Variants in ARHGEF18 observed in about 807,000 individuals in gnomAD.
The protein encoded by ARHGEF18 is rho guanine nucleotide exchange factor 18.
In ARHGEF18, 93 loss-of-function variants were observed where a neutral mutation model predicts 155.7. The observed-to-expected ratio is 0.60, with a 90% confidence interval of 0.50 to 0.71. ARHGEF18 has a LOEUF of 0.71. Among genes scored for constraint, ARHGEF18 ranks in the 30% least tolerant of loss-of-function variants. The pLI is 0.00. For missense variants in ARHGEF18, 1,593 were observed against 1,816.1 expected (o/e 0.88, Z 2.23); for synonymous variants, 742 against 753.1 (o/e 0.99, Z 0.24).
intron 10 of ARHGEF18, among the ~76,000 whole-genome samples, chr19:7,438,896 G>A (rs1007013624): frequency 9.2e-5 from 14 of 151,606 alleles, no homozygotes; most frequent in Admixed American, 4.6e-4. Flanking sequence ...TTTTTTAGGC[G>A]GAGTCTCACT....
intron 2 of ARHGEF18, among the ~76,000 whole-genome samples, chr19:7,368,874 G>A (rs1970062872): frequency 6.6e-6 from 1 of 152,116 alleles, no homozygotes; most frequent in Non-Finnish European, 1.5e-5. Context: ...TCTTTAGAAA[G>A]AGACTGAAAA....
intron 1 of ARHGEF18, among the ~76,000 whole-genome samples, chr19:7,362,026 AAGGAGAAGGAGAAGGAGAAGG>A (rs1969589851): frequency 8.3e-5 from 5 of 60,316 alleles, no homozygotes; most frequent in Non-Finnish European, 1.5e-4. Context: ...GGAGAAGGAG[AAGGAGAAGGAGAAGGAGAAGG>A]AGAAGGAGAA....
chr19:7,414,763 C>A (rs984247067), intron 10 of ARHGEF18, among the ~76,000 whole-genome samples: 1 of 151,648 alleles, frequency 6.6e-6, no homozygotes, highest in South Asian at 2.1e-4. Flanking sequence ...GAGCTGAGAT[C>A]GCGCCATTGC....
chr19:7,451,404 C>CAT, intron 16 of ARHGEF18, 138 bp downstream of exon 16: 6 of 377,176 alleles, frequency 1.6e-5, no homozygotes, highest in South Asian at 2.9e-5. Flanking sequence ...GGGTTCCTTC[C>CAT]TTTTTTTTTT....
intron 2 of ARHGEF18, among the ~76,000 whole-genome samples, chr19:7,366,970 C>T (rs565681589): frequency 6.2e-4 from 94 of 151,930 alleles, no homozygotes; most frequent in South Asian, 1.7e-3. Context: ...CTATGCTGCC[C>T]GGGCTGGTCT....
Position 7,444,813 on chromosome 19 carries a change from A to T in ARHGEF18, c.1611+359A>T. 6.6e-6 allele frequency among the ~76,000 whole-genome samples: 1 copy of T among 151,930 alleles called. No homozygotes were observed. The highest frequency in any genetic ancestry group is 1.5e-5 in the Non-Finnish European group (1 of 67,952). ...GAACACCATGCCTGGCTAACTTTTTATTTTTTGAAGAGATGGGGTCTTGCT... is the reference window on the plus strand; with the variant it reads ...GAACACCATGCCTGGCTAACTTTTTTTTTTTTGAAGAGATGGGGTCTTGCT... On this transcript the variant is annotated intron_variant, in intron 14 of 28. Coordinates refer to ENST00000668164, the MANE Select transcript of ARHGEF18 (RefSeq NM_001367823.1). The surrounding 1 kb of genome is among the most constrained non-coding windows in gnomAD (Gnocchi z 4.7).
chr19:7,440,109 A>AATGC lies in ARHGEF18; in HGVS notation c.968-234_968-231dup. On this transcript the variant is annotated intron_variant, in intron 10 of 28. Transcript: ENST00000668164. The surrounding 1 kb of genome is among the most constrained non-coding windows in gnomAD (Gnocchi z 5.4). The stretch of plus-strand genomic sequence containing the variant: ...CGGAGCCCCGGGCGCGAACATGGGG[A>AATGC]ATGCGCACTCCAAAAGCGGGGACAG... 3 of 1,550,784 alleles carry AATGC rather than the reference A, an allele frequency of 1.9e-6. No homozygotes were observed. Among genetic ancestry groups the AATGC allele is most frequent in the Non-Finnish European group, 2.6e-6 (3 of 1,146,752 alleles).
At chr19:7,376,162 TC>T (rs1970452347) in intron 4 of ARHGEF18, among the ~76,000 whole-genome samples, 1 of 152,148 alleles carries the variant, frequency 6.6e-6, no homozygotes, top group African/African-American at 2.4e-5. Flanking sequence ...TCTTGCAGTT[TC>T]AGCCAGGCTT....
In ARHGEF18 at chr19:7,462,836, CTT is replaced by C. The variant is rs34155241; in HGVS notation, c.2635+519_2635+520del. Among the ~76,000 whole-genome samples the C allele has an allele frequency of 9.4e-4, 91 of 96,450 alleles. No homozygotes were observed. The highest frequency in any genetic ancestry group is 5.4e-3 in the Middle Eastern group (1 of 184). 63.3% of individuals were successfully genotyped at this position (96,450 alleles called of 152,430 possible). On this transcript the variant is annotated intron_variant, in intron 21 of 28. Coordinates refer to ENST00000668164, the MANE Select transcript of ARHGEF18 (RefSeq NM_001367823.1). This position sits in a 1 kb window ranked among gnomAD's most constrained non-coding sequence, Gnocchi z 4.4. ...AGTCTGCTCTTTCTTTTTTTCTTTT[CTT>C]TTTTTTTTTTTTTTTTGAGATGGAG... is the stretch of plus-strand genomic sequence containing the variant.
At chr19:7,404,920 C>T (rs774181409) in intron 10 of ARHGEF18, among the ~76,000 whole-genome samples, 4 of 151,974 alleles carry the variant, frequency 2.6e-5, no homozygotes, top group Non-Finnish European at 5.9e-5. Flanking sequence ...GTTACCAAAC[C>T]GAACTCACCT....
In ARHGEF18 at chr19:7,447,083, G is replaced by C. The variant is rs765607812; in HGVS notation, c.1652G>C (p.Gly551Ala). The C allele has an allele frequency of 6.8e-6, 11 of 1,613,830 alleles. No homozygotes were observed. The highest frequency in any genetic ancestry group is 8.5e-6 in the Non-Finnish European group (10 of 1,179,944). The part of the protein sequence containing the change: ...ENGERMKEKY[G>A]VFCSGHNEAV... ...GGGGAGAGAATGAAAGAAAAGTACGGTGTGTTTTGTAGTGGCCACAATGAA... is the reference window on the plus strand; with the variant it reads ...GGGGAGAGAATGAAAGAAAAGTACGCTGTGTTTTGTAGTGGCCACAATGAA... The change falls in exon 15 of 29, where the codon GGT becomes GCT. Residue 551 changes from glycine to alanine, a missense_variant. Physicochemically the swap from Gly to Ala is moderately conservative, Grantham distance 60 (BLOSUM62 0). Transcript: ENST00000668164.
intron 15 of ARHGEF18, among the ~76,000 whole-genome samples, chr19:7,448,793 C>G (rs747430226): frequency 6.6e-6 from 1 of 152,090 alleles, no homozygotes; most frequent in Non-Finnish European, 1.5e-5. Context: ...GCTCGAAGCC[C>G]AGCCGGAGTC....
chr19:7,372,117 C>T (rs1600215758), intron 2 of ARHGEF18, among the ~76,000 whole-genome samples: 1 of 152,170 alleles, frequency 6.6e-6, no homozygotes, highest in Non-Finnish European at 1.5e-5. Flanking sequence ...ATGGGGGAAG[C>T]CCACTCGCCC....
At chr19:7,473,332 C>G (rs189098284), downstream of ARHGEF18, 683 of 450,592 alleles carry the variant, frequency 1.5e-3, 1 homozygote, top group Non-Finnish European at 2.7e-3. Flanking sequence ...ATGCAGGCCA[C>G]GTGTGGAATT....
intron 10 of ARHGEF18, among the ~76,000 whole-genome samples, chr19:7,426,486 CAAAAAAAAA>C (rs760020542): frequency 9.9e-6 from 1 of 100,786 alleles, no homozygotes; most frequent in African/African-American, 3.8e-5. Context: ...GACTCTGTCT[CAAAAAAAAA>C]AAAAAAAGAA....
At chr19:7,417,369 C>A (rs1973086300) in intron 10 of ARHGEF18, among the ~76,000 whole-genome samples, 2 of 152,092 alleles carry the variant, frequency 1.3e-5, no homozygotes, top group Non-Finnish European at 2.9e-5. Context: ...GGCAGCATAG[C>A]AAGACCCTGT....
intron 15 of ARHGEF18, among the ~76,000 whole-genome samples, chr19:7,448,787 G>A (rs551285369): frequency 6.6e-5 from 10 of 152,164 alleles, no homozygotes; most frequent in South Asian, 4.1e-4. Context: ...GTAGGTGCTC[G>A]AAGCCCAGCC....
At position 7,382,816 on chromosome 19, in the gene ARHGEF18, C is replaced by T. The variant is rs112303059; in HGVS notation, c.747C>T (p.Asn249=). The change falls in exon 9 of 29, where the codon AAC becomes AAT. Residue 249 remains asparagine (N), a synonymous_variant. Transcript: ENST00000668164. ...LSESEDGAGK[N]EKSDKSTSVK... is the part of the protein sequence containing the mutation. ...GGAGCGAGGACGGTGCTGGCAAGAA[C>T]GAGAAGAGTGACAAGAGTACCAGTG... is the stretch of plus-strand genomic sequence containing the variant. The T allele has an allele frequency of 0.032, 39,553 of 1,232,444 alleles. 756 individuals are homozygous for T. Among genetic ancestry groups the T allele is most frequent in the South Asian group, 0.078 (1,884 of 24,306 alleles). 76.3% of individuals were successfully genotyped at this position (1,232,444 alleles called of 1,614,324 possible). A position where few individuals can be genotyped will look rare whatever the true frequency, so the allele number is the denominator to read the frequency against.
chr19:7,454,916 G>C (rs941624153), intron 17 of ARHGEF18, among the ~76,000 whole-genome samples: 2 of 152,084 alleles, frequency 1.3e-5, no homozygotes, highest in Admixed American at 6.6e-5. Flanking sequence ...ATACCCCCAG[G>C]ACTGCTGATC....
Sources: allele counts gnomAD v4.1 joint callset (sites outside exome capture counted in the v4.1 genomes callset), GRCh38; gene constraint gnomAD v4.1.1; non-coding constraint Gnocchi (gnomAD v3.1); transcripts MANE v1.5; gene names NCBI Gene and HGNC (gene_info 2026-07-23, HGNC 2026-07-21).